The following ASTN2 variants were observed in gnomAD, a reference collection of about 807,000 sequenced individuals.
The protein encoded by ASTN2 is astrotactin 2, also known as astrotactin-2.
Under a neutral mutation model 139.8 loss-of-function variants are expected in ASTN2, and 54 were observed. That is an observed-to-expected ratio of 0.39 (90% CI 0.31 to 0.48). ASTN2 has a LOEUF of 0.48. Among genes scored for constraint, ASTN2 ranks in the 20% least tolerant of loss-of-function variants. The pLI is 0.95. For synonymous variants in ASTN2, 756 were observed against 719.5 expected (o/e 1.05, Z -0.81); for missense variants, 1,565 against 1,725.1 (o/e 0.91, Z 1.64).
At chr9:117,003,452 T>C (rs1395914703) in intron 7 of ASTN2, among the ~76,000 whole-genome samples, 4 of 151,808 alleles carry the variant, frequency 2.6e-5, no homozygotes, top group African/African-American at 9.7e-5. Flanking sequence ...CTGTCTTCTC[T>C]GGGCGGCAGT....
chr9:117,021,792 C>A (rs745711675), intron 6 of ASTN2, among the ~76,000 whole-genome samples: 39 of 152,250 alleles, frequency 2.6e-4, no homozygotes, highest in Non-Finnish European at 5.0e-4. Flanking sequence ...TCCCTTGTTT[C>A]AGATTACTCA....
At chr9:117,371,128 C>A (rs1829979465) in intron 1 of ASTN2, among the ~76,000 whole-genome samples, 1 of 151,912 alleles carries the variant, frequency 6.6e-6, no homozygotes, top group African/African-American at 2.4e-5. Context: ...CAAGACTAAA[C>A]CTAGCTGGAT....
At chr9:117,277,669 A>C (rs2133136543) in intron 2 of ASTN2, among the ~76,000 whole-genome samples, 1 of 152,352 alleles carries the variant, frequency 6.6e-6, no homozygotes, top group Middle Eastern at 3.4e-3. Context: ...TAAACCTCCT[A>C]GTAATAGTGG....
intron 5 of ASTN2, among the ~76,000 whole-genome samples, chr9:117,073,716 C>T (rs932929554): frequency 1.3e-5 from 2 of 152,140 alleles, no homozygotes; most frequent in Admixed American, 1.3e-4. Context: ...TCGACAACCA[C>T]TGGGGGGTGC....
intron 2 of ASTN2, among the ~76,000 whole-genome samples, chr9:117,242,967 T>C (rs937384738): frequency 6.6e-6 from 1 of 152,250 alleles, no homozygotes; most frequent in Non-Finnish European, 1.5e-5. Flanking sequence ...TATTAAGTAA[T>C]TAATCATCAT....
intron 19 of ASTN2, among the ~76,000 whole-genome samples, chr9:116,513,977 T>C (rs1011039616): frequency 6.6e-6 from 1 of 151,606 alleles, no homozygotes; most frequent in Non-Finnish European, 1.5e-5. Context: ...AGTTTGGTTT[T>C]CTGAAGCCTT....
chr9:117,280,581 T>C (rs939158657), intron 2 of ASTN2, among the ~76,000 whole-genome samples: 1 of 152,078 alleles, frequency 6.6e-6, no homozygotes, highest in Non-Finnish European at 1.5e-5. Context: ...AACCAAGAGC[T>C]ACCATAAGCT....
chr9:116,740,695 T>A (rs1829076380), intron 13 of ASTN2, among the ~76,000 whole-genome samples: 1 of 151,830 alleles, frequency 6.6e-6, no homozygotes, highest in African/African-American at 2.4e-5. Flanking sequence ...TAATTTTTTT[T>A]AGTAGAGATG....
chr9:117,246,172 A>G (rs1833377483), intron 2 of ASTN2, among the ~76,000 whole-genome samples: 1 of 152,206 alleles, frequency 6.6e-6, no homozygotes, highest in Non-Finnish European at 1.5e-5. Context: ...AAACCTCTAA[A>G]TTGATACACA....
chr9:116,725,908 C>A lies in ASTN2; in HGVS notation c.2669G>T (p.Arg890Leu), dbSNP rs150849349. 6.2e-7 allele frequency: 1 copy of A among 1,613,894 alleles called. No individual in the cohort carries two copies. The highest frequency in any genetic ancestry group is 8.5e-7 in the Non-Finnish European group (1 of 1,179,962). The part of the protein sequence containing the change: ...VLKILTKESS[R>L]EELLSFIQHY... ...CTGGATGAAGGACAGCAGCTCCTCC[C>A]GACTGCTCTCCTTGGTCAGGATCTT... The change falls in exon 16 of 23, where the codon CGG (arginine) becomes CTG (leucine). Residue 890 changes from arginine (R) to leucine (L), a missense_variant. Coordinates refer to ENST00000313400, the MANE Select transcript of ASTN2 (RefSeq NM_001365068.1).
chr9:117,208,604 A>G (rs1187046099), intron 3 of ASTN2, among the ~76,000 whole-genome samples: 1 of 152,220 alleles, frequency 6.6e-6, no homozygotes, highest in Admixed American at 6.5e-5. Context: ...AAATATTCCA[A>G]CGTCTTGGGA....
chr9:116,710,905 A>T (rs543870773), intron 16 of ASTN2, among the ~76,000 whole-genome samples: 1 of 152,324 alleles, frequency 6.6e-6, no homozygotes, highest in East Asian at 1.9e-4. Flanking sequence ...AACTTGTTTG[A>T]CACATTTAAT....
chr9:116,740,997 T>G (rs1349610102), intron 13 of ASTN2, among the ~76,000 whole-genome samples: 2 of 151,932 alleles, frequency 1.3e-5, no homozygotes, highest in East Asian at 3.9e-4. Context: ...GCATATGACC[T>G]CTAAATGACA....
intron 16 of ASTN2, among the ~76,000 whole-genome samples, chr9:116,691,711 C>T (rs1043754390): frequency 7.9e-5 from 12 of 152,136 alleles, no homozygotes; most frequent in Non-Finnish European, 1.5e-4. Context: ...TCATCAGAAT[C>T]CTCTCCCACA....
intron 11 of ASTN2, among the ~76,000 whole-genome samples, chr9:116,859,331 C>T (rs1588360528): frequency 6.6e-6 from 1 of 152,154 alleles, no homozygotes; most frequent in South Asian, 2.1e-4. Context: ...TATGGCCATC[C>T]TCCAATTGGC....
intron 11 of ASTN2, among the ~76,000 whole-genome samples, chr9:116,830,100 A>G (rs1302739527): frequency 6.6e-6 from 1 of 152,224 alleles, no homozygotes; most frequent in Non-Finnish European, 1.5e-5. Context: ...AAGGTCAAAT[A>G]TCCAGAGACC....
Position 116,566,638 on chromosome 9 carries a change from G to C in ASTN2, c.3355+51686C>G, listed in dbSNP as rs531715250. On this transcript the variant is annotated intron_variant, in intron 19 of 22. Coordinates refer to ENST00000313400, the MANE Select transcript of ASTN2 (RefSeq NM_001365068.1). ...TTCACCATGCGGAAATCCAATGGCA[G>C]GGGGCTTAACTAATCAAGAGCCCTA... Among the ~76,000 whole-genome samples the C allele has an allele frequency of 9.2e-5, 14 of 152,268 alleles. No homozygotes were observed. The East Asian group carries it at 2.7e-3, about 29-fold the overall frequency.
chr9:116,931,920 C>A (rs770516011), intron 10 of ASTN2, among the ~76,000 whole-genome samples: 3 of 151,974 alleles, frequency 2.0e-5, no homozygotes, highest in Non-Finnish European at 2.9e-5. Context: ...AGCATCCAGG[C>A]AGTGGCAATA....
chr9:117,322,917 T>C (rs1828379652), intron 1 of ASTN2, among the ~76,000 whole-genome samples: 3 of 152,142 alleles, frequency 2.0e-5, no homozygotes, highest in Non-Finnish European at 4.4e-5. Flanking sequence ...CCTTCAACCT[T>C]TCCAGTAATG....
Sources: gnomAD v4.1 joint callset for allele counts (sites outside exome capture counted in the v4.1 genomes callset) on GRCh38, gnomAD v4.1.1 for gene constraint, MANE v1.5 for transcripts, NCBI Gene and HGNC (gene_info 2026-07-23, HGNC 2026-07-21) for gene names.